KNL1: variants seen among roughly 807,000 people sequenced by gnomAD.
The protein encoded by KNL1 is outer kinetochore KNL1 complex subunit KNL1.
In KNL1, 66 loss-of-function variants were observed where a neutral mutation model predicts 201.3. That is an observed-to-expected ratio of 0.33 (90% confidence interval 0.27 to 0.40). The LOEUF is 0.40. Among genes scored for constraint, KNL1 ranks in the 10% least tolerant of loss-of-function variants. The pLI, the probability that KNL1 is intolerant of heterozygous loss-of-function variation, is 1.00. For synonymous variants in KNL1, 895 were observed against 899.2 expected, an observed-to-expected ratio of 1.00 and a Z score of 0.08; for missense variants, 2,815 against 2,690.5, an observed-to-expected ratio of 1.05 and a Z score of -1.02.
intron 4 of KNL1, among the ~76,000 whole-genome samples, chr15:40,606,710 C>T (rs767317896): frequency 4.6e-5 from 7 of 152,152 alleles, no homozygotes; most frequent in African/African-American, 1.7e-4. Context: ...TCAATCTTCC[C>T]GCCTCAGCCT....
chr15:40,633,215 G>C (rs1295227180), intron 13 of KNL1, among the ~76,000 whole-genome samples: 3 of 150,892 alleles, frequency 2.0e-5, no homozygotes, highest in Non-Finnish European at 4.4e-5. Context: ...TGGAGTCCCA[G>C]CTACTGAATC....
In KNL1 at chr15:40,623,994, A is replaced by G; in HGVS notation, c.3730A>G (p.Ile1244Val). ...FAATNRTTNE[I>V]IKFHSAAMDE... is the part of the protein sequence containing the mutation. ...TGCTACTAATAGAACTACTAATGAAATCATCAAATTTCATAGTGCTGCTAT... is the reference window on the plus strand; with the variant it reads ...TGCTACTAATAGAACTACTAATGAAGTCATCAAATTTCATAGTGCTGCTAT... Residue 1244 changes from isoleucine to valine, a missense_variant, in exon 10 of 26, where the codon ATC becomes GTC. Around this residue, in one of 3 missense-constraint regions of KNL1, gnomAD observed 2,464 missense variants for 2,291.7 expected, o/e 1.08. Coordinates refer to ENST00000399668, the MANE Select transcript of KNL1 (RefSeq NM_144508.5). The G allele has an allele frequency of 1.2e-6, 2 of 1,613,924 alleles. No individual in the cohort carries two copies. Among genetic ancestry groups the G allele is most frequent in the South Asian group, 1.1e-5 (1 of 91,066 alleles).
At chr15:40,644,428 A>G (rs749940631) in intron 14 of KNL1, among the ~76,000 whole-genome samples, 22 of 152,246 alleles carry the variant, frequency 1.4e-4, no homozygotes, top group Non-Finnish European at 3.2e-4. Context: ...AAAGACATTC[A>G]GTTCCCATGG....
chr15:40,635,224 A>G (rs545708049), intron 13 of KNL1, among the ~76,000 whole-genome samples: 6 of 145,826 alleles, frequency 4.1e-5, no homozygotes, highest in Non-Finnish European at 7.6e-5. Flanking sequence ...AATTTTTTGT[A>G]TTTTTTTTTA....
Position 40,662,063 on chromosome 15 carries a change from G to C in KNL1, c.6837-11G>C, listed in dbSNP as rs1330267137. ...CAAAAAAGAAAATTGATTAACCTTT[G>C]TTCTTTCCAGCCAAGATGATATTGC... On this transcript the variant is annotated splice_polypyrimidine_tract_variant and intron_variant, in intron 25 of 25. Transcript: ENST00000399668. The C allele has an allele frequency of 1.3e-5, 19 of 1,495,516 alleles. No homozygotes were observed. Among genetic ancestry groups the C allele is most frequent in the Non-Finnish European group, 1.6e-5 (17 of 1,072,880 alleles). 92.6% of individuals were successfully genotyped at this position (1,495,516 alleles called of 1,614,324 possible). A position where few individuals can be genotyped will look rare whatever the true frequency, so the allele number is the denominator to read the frequency against.
intron 2 of KNL1, among the ~76,000 whole-genome samples, chr15:40,603,800 T>G (rs1156703479): frequency 6.6e-6 from 1 of 152,188 alleles, no homozygotes; most frequent in Non-Finnish European, 1.5e-5. Flanking sequence ...ATGCCCAGAG[T>G]AGCAGCTCAG....
In KNL1 at chr15:40,623,234, T is replaced by C. The variant is rs1167606635; in HGVS notation, c.2970T>C (p.Cys990=). ...RKSLGTPTVI[C]TPTEESVFFP... ...GCCTAGGAACACCAACAGTGATATG[T>C]ACTCCTACTGAGGAGAGTGTTTTCT... Residue 990 remains cysteine, a synonymous_variant, in exon 10 of 26, where the codon TGT becomes TGC. Transcript: ENST00000399668. The C allele has an allele frequency of 9.9e-6, 16 of 1,613,870 alleles. No homozygotes were observed. In the Admixed American group the frequency reaches 1.8e-4, roughly 18 times the overall value.
chr15:40,657,072 T>C lies in KNL1; in HGVS notation c.6515T>C (p.Val2172Ala). The part of the protein sequence containing the change: ...EDQAPPSSLL[V>A]HKLIFQYVEE... ...CAAGCTCCTCCTTCCTCCCTTTTAG[T>C]TCATAAGCTTATTTTCCAGTACGTT... The change falls in exon 23 of 26, where the codon GTT becomes GCT. Residue 2172 changes from valine to alanine, a missense_variant. By Grantham distance (64) the Val-to-Ala change is moderately conservative. Around this residue, in one of 3 missense-constraint regions of KNL1, gnomAD observed 334 missense variants for 362.6 expected, o/e 0.92. Coordinates refer to ENST00000399668, the MANE Select transcript of KNL1 (RefSeq NM_144508.5). 6.2e-7 allele frequency: 1 copy of C among 1,600,790 alleles called. No individual in the cohort carries two copies. The highest frequency in any genetic ancestry group is 8.5e-7 in the Non-Finnish European group (1 of 1,173,210).
At chr15:40,629,513 T>C (rs1892851588) in intron 13 of KNL1, 142 bp downstream of exon 13, 3 of 439,092 alleles carry the variant, frequency 6.8e-6, no homozygotes, top group African/African-American at 5.0e-5. Context: ...TTTTTTTTTT[T>C]TTTTTTTTGA....
intron 13 of KNL1, among the ~76,000 whole-genome samples, chr15:40,637,715 A>C (rs1366663981): frequency 1.3e-5 from 2 of 152,224 alleles, no homozygotes; most frequent in African/African-American, 4.8e-5. Context: ...GGTTCAATAT[A>C]TATAAGCTTT....
At position 40,624,869 on chromosome 15, in the gene KNL1, T is replaced by C; in HGVS notation, c.4605T>C (p.Thr1535=). ...NSDVTKQVIQ[T]HVNAGEAPDP... is the part of the protein sequence containing the mutation. ...ACGTAACTAAGCAAGTCATTCAAAC[T>C]CATGTCAATGCTGGAGAAGCACCAG... Residue 1535 remains threonine, a synonymous_variant, in exon 10 of 26, where the codon ACT becomes ACC. Transcript: ENST00000399668. 6.2e-7 allele frequency: 1 copy of C among 1,612,704 alleles called. No homozygotes were observed. The highest frequency in any genetic ancestry group is 8.5e-7 in the Non-Finnish European group (1 of 1,179,730).
intron 8 of KNL1, among the ~76,000 whole-genome samples, 193 bp from the exon 9 acceptor site, chr15:40,618,766 T>C (rs1892422723): frequency 6.6e-6 from 1 of 152,138 alleles, no homozygotes; most frequent in East Asian, 1.9e-4. Context: ...AAATATCACA[T>C]GTAACACAAA....
chr15:40,615,465 A>G, intron 8 of KNL1, 87 bp downstream of exon 8: 1 of 354,488 alleles, frequency 2.8e-6, no homozygotes, highest in South Asian at 3.4e-5. Context: ...GAAACCATGA[A>G]CCACGAAAAA....
At chr15:40,627,465 G>T (rs1892788269) in intron 10 of KNL1, among the ~76,000 whole-genome samples, 1 of 148,950 alleles carries the variant, frequency 6.7e-6, no homozygotes, top group African/African-American at 2.5e-5. Context: ...AGTGAGCCGA[G>T]ATCACGCCAG....
At chr15:40,659,495 C>A in intron 25 of KNL1, 34 bp downstream of exon 25, 1 of 1,581,712 alleles carries the variant, frequency 6.3e-7, no homozygotes, top group Non-Finnish European at 8.6e-7. Flanking sequence ...AGACTCTGGG[C>A]TACTTCTTTT....
rs201607920 is a variant in KNL1, at chr15:40,625,241, C to G, written c.4977C>G (p.Asn1659Lys). Reference sequence around the variant, plus strand: ...GAATCTTTTTGCCTAGATTGCCCAACAAGAGAAATTGTAGTGTCACTGGTA... The same window carrying G: ...GAATCTTTTTGCCTAGATTGCCCAAGAAGAGAAATTGTAGTGTCACTGGTA... ...SLGIFLPRLPNKRNCSVTGID... is the reference protein window; with the variant it reads ...SLGIFLPRLPKKRNCSVTGID... The change falls in exon 10 of 26, where the codon AAC becomes AAG. Residue 1659 changes from asparagine (N) to lysine (K), a missense_variant. By Grantham distance (94) the Asn-to-Lys change is moderately conservative. Around this residue, in one of 3 missense-constraint regions of KNL1, gnomAD observed 2,464 missense variants for 2,291.7 expected, o/e 1.08. Coordinates refer to ENST00000399668, the MANE Select transcript of KNL1 (RefSeq NM_144508.5). The G allele has an allele frequency of 6.2e-7, 1 of 1,613,976 alleles. No individual in the cohort carries two copies. Among genetic ancestry groups the G allele is most frequent in the African/African-American group, 1.3e-5 (1 of 75,026 alleles).
rs1893968625 is a variant in KNL1, at chr15:40,663,406, G to C, written c.*1218G>C. On this transcript the variant is annotated 3_prime_UTR_variant, in exon 26 of 26. Coordinates refer to ENST00000399668, the MANE Select transcript of KNL1 (RefSeq NM_144508.5). ...TTCTAGGGAAAGTTAATTCATTTTT[G>C]TCTAGTACATATATGTAAATATATT... The C allele has an allele frequency of 5.5e-6, 1 of 181,038 alleles. No individual in the cohort carries two copies. Among genetic ancestry groups the C allele is most frequent in the African/African-American group, 2.4e-5 (1 of 42,390 alleles). 11.2% of individuals were successfully genotyped at this position (181,038 alleles called of 1,614,324 possible).
rs1300643872 is a variant in KNL1 at position 40,650,294 on chromosome 15, A to G, written c.6095-7A>G. The G allele has an allele frequency of 1.9e-6, 3 of 1,565,412 alleles. No individual in the cohort carries two copies. Among genetic ancestry groups the G allele is most frequent in the East Asian group, 2.2e-5 (1 of 44,590 alleles). Reference sequence around the variant, plus strand: ...TGAATTATTCTAACAAATACTGTCTACTTTAGAAACTAAGAATTTGGAGGA... The same window carrying G: ...TGAATTATTCTAACAAATACTGTCTGCTTTAGAAACTAAGAATTTGGAGGA... On this transcript the variant is annotated splice_polypyrimidine_tract_variant and splice_region_variant and intron_variant, in intron 17 of 25. Coordinates refer to ENST00000399668, the MANE Select transcript of KNL1 (RefSeq NM_144508.5).
Position 40,658,290 on chromosome 15 carries a change from G to A in KNL1, c.6713+817G>A, listed in dbSNP as rs148750716. On this transcript the variant is annotated intron_variant, in intron 24 of 25. Coordinates refer to ENST00000399668, the MANE Select transcript of KNL1 (RefSeq NM_144508.5). Reference sequence around the variant, plus strand: ...CACACCTGTAATCCCAGCACTTTGGGAGGCTGAGGCAGGTGGATCACGAGG... The same window carrying A: ...CACACCTGTAATCCCAGCACTTTGGAAGGCTGAGGCAGGTGGATCACGAGG... Among the ~76,000 whole-genome samples, 77 of 151,932 alleles carry A rather than the reference G, an allele frequency of 5.1e-4. No individual in the cohort carries two copies. In the East Asian group the frequency reaches 0.011, roughly 23 times the overall value.
Sources: allele counts gnomAD v4.1 joint callset (sites outside exome capture counted in the v4.1 genomes callset), GRCh38; gene constraint gnomAD v4.1.1; regional missense constraint gnomAD v4.1.1; transcripts MANE v1.5; gene names NCBI Gene and HGNC (gene_info 2026-07-23, HGNC 2026-07-21).